Variants in JRK observed in about 807,000 individuals in gnomAD.
JRK encodes jerky protein homolog.
For missense variants in JRK, 720 were observed against 509.2 expected (o/e 1.41, Z -3.98); for synonymous variants, 303 against 218.1 (o/e 1.39, Z -3.43).
the JRK span, among the ~76,000 whole-genome samples, chr8:142,651,735 A>G: frequency 1.3e-5 from 2 of 152,234 alleles, no homozygotes; most frequent in East Asian, 3.8e-4. Context: ...TGCACAACTT[A>G]TATCATTACT....
At position 142,664,640 on chromosome 8, in the gene JRK, C is replaced by T. The variant is rs1272674617; in HGVS notation, c.1419G>A (p.Gln473=). The change falls in exon 2 of 2, where the codon CAG becomes CAA. Residue 473 remains glutamine, a synonymous_variant. Transcript: ENST00000612905. ...WSSEKTPKAD[Q]DGRGDPGEGE... ...CCTCACCAGGATCTCCTCTGCCGTC[C>T]TGGTCAGCTTTCGGAGTCTTTTCTG... is the stretch of plus-strand genomic sequence containing the variant. 2 of 1,611,620 alleles carry T rather than the reference C, an allele frequency of 1.2e-6. No homozygotes were observed. Among genetic ancestry groups the T allele is most frequent in the Non-Finnish European group, 1.7e-6 (2 of 1,179,368 alleles).
At position 142,659,689 on chromosome 8, in the gene JRK, T is replaced by A. The variant is rs1479351193; in HGVS notation, c.*4663A>T. The A allele has an allele frequency of 2.0e-6, 2 of 985,358 alleles. No homozygotes were observed. Among genetic ancestry groups the A allele is most frequent in the Non-Finnish European group, 2.4e-6 (2 of 829,982 alleles). 61.0% of individuals were successfully genotyped at this position (985,358 alleles called of 1,614,324 possible). ...CAAACAAGAGTGGCCCCTAAAACAG[T>A]TGGTAAAGGAGTGTTTTCACCTCTG... On this transcript the variant is annotated 3_prime_UTR_variant, in exon 2 of 2. Transcript: ENST00000612905.
At position 142,661,886 on chromosome 8, in the gene JRK, A is replaced by G; in HGVS notation, c.*2466T>C. On this transcript the variant is annotated 3_prime_UTR_variant, in exon 2 of 2. Coordinates refer to ENST00000612905, the MANE Select transcript of JRK (RefSeq NM_003724.4). ...GCTCGGAGGACACGGCAGTCTCCAT[A>G]AAGCGTTCTGGGGGACAGGACCGAG... The G allele has an allele frequency of 2.0e-6, 2 of 985,570 alleles. No homozygotes were observed. The highest frequency in any genetic ancestry group is 2.4e-6 in the Non-Finnish European group (2 of 830,032). The allele number at this position is 985,570 out of a possible 1,614,324, so 61.1% of individuals were successfully genotyped here. A position where few individuals can be genotyped will look rare whatever the true frequency, so the allele number is the denominator to read the frequency against.
At chr8:142,646,726 G>C in the JRK span, among the ~76,000 whole-genome samples, 4 of 152,070 alleles carry the variant, frequency 2.6e-5, no homozygotes, top group Non-Finnish European at 5.9e-5. Flanking sequence ...TTTTTTTCCT[G>C]ATAAAGTATT....
At position 142,665,048 on chromosome 8, in the gene JRK, T is replaced by C; in HGVS notation, c.1011A>G (p.Arg337=). The stretch of plus-strand genomic sequence containing the variant: ...GGTTAATGAAGTTCCTCATGAAATC[T>C]CTCCGAATGCCCTGCTCCATGGGCT... ...LVQPMEQGIR[R]DFMRNFINPP... is the part of the protein sequence containing the mutation. The change falls in exon 2 of 2, where the codon AGA becomes AGG. Residue 337 remains arginine (R), a synonymous_variant. Coordinates refer to ENST00000612905, the MANE Select transcript of JRK (RefSeq NM_003724.4). 1 of 715,910 alleles carries C rather than the reference T, an allele frequency of 1.4e-6. No homozygotes were observed. The highest frequency in any genetic ancestry group is 2.6e-6 in the Non-Finnish European group (1 of 383,670). 44.3% of individuals were successfully genotyped at this position (715,910 alleles called of 1,614,324 possible). A position where few individuals can be genotyped will look rare whatever the true frequency, so the allele number is the denominator to read the frequency against.
the JRK span, among the ~76,000 whole-genome samples, chr8:142,647,424 C>T: frequency 1.3e-5 from 2 of 152,100 alleles, no homozygotes; most frequent in East Asian, 3.9e-4. Flanking sequence ...TCCACAATTC[C>T]CACATGTTAT....
In JRK at chr8:142,661,523, A is replaced by G. The variant is rs1396210351; in HGVS notation, c.*2829T>C. On this transcript the variant is annotated 3_prime_UTR_variant, in exon 2 of 2. Coordinates refer to ENST00000612905, the MANE Select transcript of JRK (RefSeq NM_003724.4). ...ACAGAGGTCCCAAACCATATGACGC[A>G]GCACCTGCTACCCCACGAGCCACTG... 1.0e-6 allele frequency: 1 copy of G among 985,500 alleles called. No individual in the cohort carries two copies. The highest frequency in any genetic ancestry group is 1.2e-6 in the Non-Finnish European group (1 of 829,968). The allele number at this position is 985,500 out of a possible 1,614,324, so 61.0% of individuals were successfully genotyped here.
chr8:142,653,290 T>C (rs147131060), downstream of JRK, among the ~76,000 whole-genome samples: 1 of 152,318 alleles, frequency 6.6e-6, no homozygotes, highest in East Asian at 1.9e-4. Context: ...GATAAACAAT[T>C]ACTCTTGTCC....
chr8:142,665,449 C>A lies in JRK; in HGVS notation c.610G>T (p.Gly204Trp), dbSNP rs781914334. Residue 204 changes from glycine (G) to tryptophan (W), a missense_variant, in exon 2 of 2, where the codon GGG becomes TGG. Gly to Trp is a radical substitution (Grantham distance 184). Transcript: ENST00000612905. ...CCCTGCTTGGGGCCAGGCACAGCCC[C>A]GCCTTCCGGAGTGGGATTTGGCAGG... Reference protein sequence around the residue: ...RCLPNPTPEGGAVPGPKQGKD... With the variant: ...RCLPNPTPEGWAVPGPKQGKD... 3 of 717,792 alleles carry A rather than the reference C, an allele frequency of 4.2e-6. No individual in the cohort carries two copies. In the African/African-American group the frequency reaches 5.2e-5, roughly 13 times the overall value. 44.5% of individuals were successfully genotyped at this position (717,792 alleles called of 1,614,324 possible).
rs1847123527 is a variant in JRK at position 142,666,169 on chromosome 8, A to C, written c.-111T>G. ...TCTGGGGCTCCGTCTCTCCCTCTCCACTCTGCCTGCCTGCTCTGCTGATCC... is the reference window on the plus strand; with the variant it reads ...TCTGGGGCTCCGTCTCTCCCTCTCCCCTCTGCCTGCCTGCTCTGCTGATCC... On this transcript the variant is annotated 5_prime_UTR_variant, in exon 2 of 2. Transcript: ENST00000612905. The C allele has an allele frequency of 3.1e-5, 48 of 1,534,444 alleles. No individual in the cohort carries two copies. The South Asian group carries it at 5.2e-4, about 17-fold the overall frequency.
chr8:142,643,986 C>T, the JRK span, among the ~76,000 whole-genome samples: 6 of 152,124 alleles, frequency 3.9e-5, no homozygotes, highest in Admixed American at 3.9e-4. Flanking sequence ...AAAAGCAAAA[C>T]AAATGATTAA....
At chr8:142,668,844 G>A (rs1554636697) in intron 1 of JRK, among the ~76,000 whole-genome samples, 1 of 151,754 alleles carries the variant, frequency 6.6e-6, no homozygotes, top group African/African-American at 2.4e-5. Flanking sequence ...GTGTCCACAA[G>A]GAGCCCGTGT....
intron 1 of JRK, among the ~76,000 whole-genome samples, chr8:142,667,779 C>T (rs1203299008): frequency 1.3e-5 from 2 of 152,188 alleles, no homozygotes; most frequent in Non-Finnish European, 2.9e-5. Context: ...TTTGAACTAA[C>T]TTCTCACCCT....
chr8:142,663,458 T>A lies in JRK; in HGVS notation c.*894A>T. Reference sequence around the variant, plus strand: ...GTTTTACTGTTTTCAGTGACTTACGTGCAAACCTAAGACTAATCTCTGAAT... The same window carrying A: ...GTTTTACTGTTTTCAGTGACTTACGAGCAAACCTAAGACTAATCTCTGAAT... On this transcript the variant is annotated 3_prime_UTR_variant, in exon 2 of 2. Coordinates refer to ENST00000612905, the MANE Select transcript of JRK (RefSeq NM_003724.4). The A allele has an allele frequency of 1.0e-6, 1 of 985,462 alleles. No individual in the cohort carries two copies. The highest frequency in any genetic ancestry group is 1.2e-6 in the Non-Finnish European group (1 of 829,940). The allele number at this position is 985,462 out of a possible 1,614,324, so 61.0% of individuals were successfully genotyped here.
chr8:142,664,845 C>G lies in JRK; in HGVS notation c.1214G>C (p.Cys405Ser). ...CTTGTTGTGGGGCTTCACTGGGAAG[C>G]ACTCTGCCTCCAACTCCTCCTCAGA... ...SSSEEELEAE[C>S]FPVKPHNKSF... Residue 405 changes from cysteine to serine, a missense_variant, in exon 2 of 2, where the codon TGC becomes TCC. Coordinates refer to ENST00000612905, the MANE Select transcript of JRK (RefSeq NM_003724.4). 1 of 1,565,062 alleles carries G rather than the reference C, an allele frequency of 6.4e-7. No individual in the cohort carries two copies. Among genetic ancestry groups the G allele is most frequent in the Non-Finnish European group, 8.8e-7 (1 of 1,139,736 alleles).
intron 1 of JRK, among the ~76,000 whole-genome samples, chr8:142,669,563 A>AG (rs1429867261): frequency 6.6e-6 from 1 of 152,186 alleles, no homozygotes; most frequent in Non-Finnish European, 1.5e-5. Context: ...TGGTTTTTTA[A>AG]GGGCAAGCGG....
chr8:142,669,917 C>T lies in JRK; in HGVS notation c.-463+15G>A, dbSNP rs1847275248. ...GGCCCGGCCGCCCAGCGCCTCAGGC[C>T]AGGACCCTACTCACCCTGCTCACCC... On this transcript the variant is annotated intron_variant, in intron 1 of 1. Transcript: ENST00000612905. The T allele has an allele frequency of 6.5e-6, 1 of 153,196 alleles. No homozygotes were observed. The highest frequency in any genetic ancestry group is 2.4e-5 in the African/African-American group (1 of 41,402). 9.5% of individuals were successfully genotyped at this position (153,196 alleles called of 1,614,324 possible).
At position 142,664,652 on chromosome 8, in the gene JRK, C is replaced by T. The variant is rs3735999; in HGVS notation, c.1407G>A (p.Pro469=). 972,733 of 1,610,650 alleles carry T rather than the reference C, an allele frequency of 0.6. 299,496 individuals carry two copies. Among genetic ancestry groups the T allele is most frequent in the Admixed American group, 0.7 (41,700 of 59,756 alleles). Residue 469 remains proline (P), a synonymous_variant, in exon 2 of 2, where the codon CCG becomes CCA. Coordinates refer to ENST00000612905, the MANE Select transcript of JRK (RefSeq NM_003724.4). ...CTCCTCTGCCGTCCTGGTCAGCTTTCGGAGTCTTTTCTGAACTCCACACAA... is the reference window on the plus strand; with the variant it reads ...CTCCTCTGCCGTCCTGGTCAGCTTTTGGAGTCTTTTCTGAACTCCACACAA... ...AEVVWSSEKT[P]KADQDGRGDP...
chr8:142,649,902 CACAA>C, the JRK span, among the ~76,000 whole-genome samples: 1 of 152,240 alleles, frequency 6.6e-6, no homozygotes, highest in African/African-American at 2.4e-5. Flanking sequence ...ATGGTAGATC[CACAA>C]ACAGCTTGCA....
Sources: allele counts gnomAD v4.1 joint callset (sites outside exome capture counted in the v4.1 genomes callset), GRCh38; gene constraint gnomAD v4.1.1; transcripts MANE v1.5; gene names NCBI Gene and HGNC (gene_info 2026-07-23, HGNC 2026-07-21).